The following FGF12 variants were observed in gnomAD, a reference collection of about 807,000 sequenced individuals.
FGF12 encodes the protein fibroblast growth factor 12, also known as fibroblast growth factor 12B.
In FGF12, 14 loss-of-function variants were observed where a neutral mutation model predicts 23.6. The observed-to-expected ratio is 0.59, with a 90% CI of 0.39 to 0.93. The LOEUF is 0.93. Ranked by LOEUF, FGF12 falls within the 40% of genes least tolerant of loss-of-function variation. The pLI is 0.00. For missense variants in FGF12, 175 were observed against 217.8 expected (o/e 0.80, Z 1.24); for synonymous variants, 62 against 77.3 (o/e 0.80, Z 1.04).
intron 2 of FGF12, among the ~76,000 whole-genome samples, chr3:192,486,625 C>CTCATGA (rs1402475381): frequency 2.0e-5 from 3 of 152,076 alleles, no homozygotes; most frequent in East Asian, 3.9e-4. Flanking sequence ...GAGACAAGGT[C>CTCATGA]ACAGAGGTAA....
chr3:192,456,877 T>C (rs972143633), intron 2 of FGF12, among the ~76,000 whole-genome samples: 4 of 152,264 alleles, frequency 2.6e-5, no homozygotes, highest in Non-Finnish European at 5.9e-5. Flanking sequence ...AATCCACACA[T>C]GCAGTGATAT....
chr3:192,409,966 TG>T lies in FGF12; in HGVS notation c.14-49429del, dbSNP rs1254810837. Among the ~76,000 whole-genome samples the T allele has an allele frequency of 6.6e-6, 1 of 151,590 alleles. No homozygotes were observed. The highest frequency in any genetic ancestry group is 2.4e-5 in the African/African-American group (1 of 41,298). Reference sequence around the variant, plus strand: ...GGCGCTCAGGGTGGAGTCCCATTCATGGGCTGAGGCTCTGGGCGCGCGGAGC... The same window carrying T: ...GGCGCTCAGGGTGGAGTCCCATTCATGGCTGAGGCTCTGGGCGCGCGGAGC... On this transcript the variant is annotated intron_variant, in intron 2 of 5. Transcript: ENST00000445105. The surrounding 1 kb of genome is among the most constrained non-coding windows in gnomAD (Gnocchi z 4.8).
intron 5 of FGF12, among the ~76,000 whole-genome samples, chr3:192,167,163 C>CAA (rs35097529): frequency 7.4e-4 from 80 of 108,054 alleles, no homozygotes; most frequent in Non-Finnish European, 6.2e-4. Flanking sequence ...ATATGGCTAT[C>CAA]AAAAAAAAAA....
intron 4 of FGF12, among the ~76,000 whole-genome samples, chr3:192,305,796 G>C (rs1296490358): frequency 6.8e-6 from 1 of 146,772 alleles, no homozygotes; most frequent in Non-Finnish European, 1.5e-5. Context: ...TATTTCCTTT[G>C]AGAAACTTTC....
intron 2 of FGF12, among the ~76,000 whole-genome samples, chr3:192,497,969 T>C (rs923031715): frequency 6.6e-6 from 1 of 150,420 alleles, no homozygotes; most frequent in South Asian, 2.1e-4. Flanking sequence ...TGGCAAACAG[T>C]AGGCCATCAA....
chr3:192,579,980 T>C (rs1713065914), intron 2 of FGF12, among the ~76,000 whole-genome samples: 1 of 152,224 alleles, frequency 6.6e-6, no homozygotes, highest in Admixed American at 6.5e-5. Flanking sequence ...GGCCGTTTCC[T>C]GGGCATTCTC....
At chr3:192,338,038 T>C (rs1192895346) in intron 3 of FGF12, among the ~76,000 whole-genome samples, 8 of 152,182 alleles carry the variant, frequency 5.3e-5, no homozygotes, top group Non-Finnish European at 7.3e-5. Flanking sequence ...CAAAAAGATT[T>C]AGAGTTAACC....
At chr3:192,240,043 G>GA (rs1355450042) in intron 4 of FGF12, among the ~76,000 whole-genome samples, 2 of 152,180 alleles carry the variant, frequency 1.3e-5, no homozygotes, top group African/African-American at 4.8e-5. Flanking sequence ...TCTTGGTAGA[G>GA]AAAAACTCAA....
chr3:192,617,838 C>T (rs747061738), intron 2 of FGF12, among the ~76,000 whole-genome samples: 1 of 151,966 alleles, frequency 6.6e-6, no homozygotes, highest in African/African-American at 2.4e-5. Flanking sequence ...GAACAGGGTC[C>T]GAAACCCACA....
chr3:192,617,723 T>C (rs924300239), intron 2 of FGF12, among the ~76,000 whole-genome samples: 4 of 152,098 alleles, frequency 2.6e-5, no homozygotes, highest in Admixed American at 2.0e-4. Flanking sequence ...TTGATAGTGC[T>C]AGTCCAACAA....
intron 4 of FGF12, among the ~76,000 whole-genome samples, chr3:192,237,768 C>T (rs926366370): frequency 3.3e-5 from 5 of 152,174 alleles, no homozygotes; most frequent in African/African-American, 1.2e-4. Context: ...GGGTTTCAAC[C>T]TTCTCCTGTA....
intron 4 of FGF12, among the ~76,000 whole-genome samples, chr3:192,276,886 T>C (rs922839250): frequency 6.6e-6 from 1 of 152,080 alleles, no homozygotes; most frequent in African/African-American, 2.4e-5. Context: ...CCAAGAAAAA[T>C]CTAGACAGAC....
At chr3:192,610,895 G>A (rs2108639368) in intron 2 of FGF12, among the ~76,000 whole-genome samples, 1 of 152,094 alleles carries the variant, frequency 6.6e-6, no homozygotes, top group South Asian at 2.1e-4. Context: ...TTGCTCAAAT[G>A]ACACCTTCTC....
chr3:192,405,334 G>C (rs1227171367), intron 2 of FGF12, among the ~76,000 whole-genome samples: 1 of 151,122 alleles, frequency 6.6e-6, no homozygotes, highest in East Asian at 1.9e-4. Context: ...AACTTGGTTA[G>C]CTAAGAAAAA....
At chr3:192,444,575 A>G (rs1722294972) in intron 2 of FGF12, among the ~76,000 whole-genome samples, 1 of 152,216 alleles carries the variant, frequency 6.6e-6, no homozygotes, top group African/African-American at 2.4e-5. Context: ...CTATGTTCTA[A>G]GAATAATTCA....
chr3:192,328,720 G>A (rs1321460208), intron 4 of FGF12, among the ~76,000 whole-genome samples: 1 of 152,164 alleles, frequency 6.6e-6, no homozygotes, highest in Non-Finnish European at 1.5e-5. Flanking sequence ...TGGTCTTGAG[G>A]ACTATGCCCT....
At chr3:192,566,219 G>C (rs1175749787) in intron 2 of FGF12, among the ~76,000 whole-genome samples, 4 of 152,204 alleles carry the variant, frequency 2.6e-5, no homozygotes, top group Admixed American at 2.6e-4. Context: ...ACTAGTTAGA[G>C]CCAAATTGAG....
At chr3:192,233,527 C>T (rs994904202) in intron 4 of FGF12, among the ~76,000 whole-genome samples, 8 of 152,136 alleles carry the variant, frequency 5.3e-5, no homozygotes, top group Non-Finnish European at 1.0e-4. Flanking sequence ...GCTTCTTTTG[C>T]TATGCAGAAG....
chr3:192,580,193 G>A (rs1035369639), intron 2 of FGF12, among the ~76,000 whole-genome samples: 2 of 151,954 alleles, frequency 1.3e-5, no homozygotes, highest in Non-Finnish European at 2.9e-5. Flanking sequence ...TTTTTCTGAG[G>A]CACTTTATGC....
Sources: gnomAD v4.1 joint callset for allele counts (sites outside exome capture counted in the v4.1 genomes callset) on GRCh38, gnomAD v4.1.1 for gene constraint, Gnocchi (gnomAD v3.1) non-coding constraint, MANE v1.5 for transcripts, NCBI Gene and HGNC (gene_info 2026-07-23, HGNC 2026-07-21) for gene names.